WFDC13: variants seen among roughly 807,000 people sequenced by gnomAD.
WFDC13 encodes WAP four-disulfide core domain 13, also known as WAP four-disulfide core domain protein 13.
A neutral mutation model predicts 10.9 loss-of-function variants in WFDC13; 6 were observed. The observed-to-expected ratio is 0.55, with a 90% CI of 0.30 to 1.09. The LOEUF (loss-of-function observed/expected upper bound fraction) is 1.09, where lower values mean the gene tolerates loss of function less well. Among genes scored for constraint, WFDC13 ranks in the 50% least tolerant of loss-of-function variants. The pLI is 0.06. For synonymous variants in WFDC13, 38 were observed against 39.5 expected, an observed-to-expected ratio of 0.96 and a Z score of 0.14; for missense variants, 104 against 109.6, an observed-to-expected ratio of 0.95 and a Z score of 0.23.
intron 3 of WFDC13, among the ~76,000 whole-genome samples, chr20:45,706,933 GTTTAGGGTCT>G (rs1191677707): frequency 1.3e-5 from 2 of 152,200 alleles, no homozygotes; most frequent in Non-Finnish European, 2.9e-5. Flanking sequence ...AAAGTTAGAA[GTTTAGGGTCT>G]TCTAATGGGC....
intron 2 of WFDC13, among the ~76,000 whole-genome samples, chr20:45,705,537 AG>A (rs1437301508): frequency 6.6e-6 from 1 of 152,228 alleles, no homozygotes; most frequent in African/African-American, 2.4e-5. Flanking sequence ...AATAATAGTG[AG>A]GTTAAAATAG....
At chr20:45,707,728 G>A (rs1470945735) in intron 3 of WFDC13, 130 bp from the exon 4 acceptor site, 1 of 152,182 alleles carries the variant, frequency 6.6e-6, no homozygotes, top group Non-Finnish European at 1.5e-5. Flanking sequence ...ATTTCTTTAA[G>A]GAGTTCCTAA....
intron 1 of WFDC13, among the ~76,000 whole-genome samples, chr20:45,703,436 C>A (rs549821939): frequency 2.6e-5 from 4 of 152,180 alleles, no homozygotes; most frequent in African/African-American, 7.2e-5. Context: ...CCTTTCAAAT[C>A]ATCATAATAT....
chr20:45,706,763 C>A (rs1299621336), intron 3 of WFDC13, among the ~76,000 whole-genome samples: 1 of 114,414 alleles, frequency 8.7e-6, no homozygotes, highest in Non-Finnish European at 1.6e-5. Flanking sequence ...CAGAGTGAGA[C>A]TCCGTCTCAA....
Position 45,708,690 on chromosome 20 carries a change from AAAT to A in WFDC13, c.*867_*869del, listed in dbSNP as rs1218820914. 1 of 152,216 alleles carries A rather than the reference AAAT, an allele frequency of 6.6e-6. No homozygotes were observed. Among genetic ancestry groups the A allele is most frequent in the Non-Finnish European group, 1.5e-5 (1 of 68,040 alleles). 9.4% of individuals were successfully genotyped at this position (152,216 alleles called of 1,614,324 possible). A position where few individuals can be genotyped will look rare whatever the true frequency, so the allele number is the denominator to read the frequency against. On this transcript the variant is annotated 3_prime_UTR_variant, in exon 4 of 4. Transcript: ENST00000305479. ...TAAAAAGGTATTATAAAGGTATTTA[AAAT>A]AATAATAATAAAGTGTTATTTTCCT...
In WFDC13 at chr20:45,704,569, T is replaced by A; in HGVS notation, c.214T>A (p.Ser72Thr). The A allele has an allele frequency of 6.2e-7, 1 of 1,614,086 alleles. No individual in the cohort carries two copies. Among genetic ancestry groups the A allele is most frequent in the Non-Finnish European group, 8.5e-7 (1 of 1,180,014 alleles). The change falls in exon 2 of 4, where the codon TCA (serine) becomes ACA (threonine). Residue 72 changes from serine (S) to threonine (T), a missense_variant. Transcript: ENST00000305479. ...CTCCTTCTGTGGGATAGTCTGTTCA[T>A]CAGAAACATTTCAAAAGCGCAACAG... The part of the protein sequence containing the change: ...CSSFCGIVCS[S>T]ETFQKRNRIK...
rs142436120 is a variant in WFDC13 at position 45,704,588 on chromosome 20, G to C, written c.233G>C (p.Arg78Pro). Residue 78 changes from arginine to proline, a missense_variant, in exon 2 of 4, where the codon CGC (arginine) becomes CCC (proline). Coordinates refer to ENST00000305479, the MANE Select transcript of WFDC13 (RefSeq NM_172005.2). ...TGTTCATCAGAAACATTTCAAAAGC[G>C]CAACAGGTAAGAGATATCTCATATC... Reference protein sequence around the residue: ...IVCSSETFQKRNRIKHKGSEV... With the variant: ...IVCSSETFQKPNRIKHKGSEV... 1 of 1,613,756 alleles carries C rather than the reference G, an allele frequency of 6.2e-7. No individual in the cohort carries two copies. Among genetic ancestry groups the C allele is most frequent in the African/African-American group, 1.3e-5 (1 of 74,844 alleles).
At chr20:45,705,056 CAGACATT>C (rs1472628393) in intron 2 of WFDC13, 1 of 1,505,870 alleles carries the variant, frequency 6.6e-7, no homozygotes, top group Non-Finnish European at 9.2e-7. Flanking sequence ...ATTAATTGTC[CAGACATT>C]AACACTAGCC....
At chr20:45,705,184 G>A (rs1479837191) in intron 2 of WFDC13, 1 of 573,230 alleles carries the variant, frequency 1.7e-6, no homozygotes, top group Admixed American at 3.1e-5. Flanking sequence ...ATGACCTTGA[G>A]TAAGACAATT....
At chr20:45,704,963 T>C in intron 2 of WFDC13, 1 of 1,614,174 alleles carries the variant, frequency 6.2e-7, no homozygotes, top group Non-Finnish European at 8.5e-7. Context: ...TCCTACACTT[T>C]TGCTTGCCCT....
Position 45,702,055 on chromosome 20 carries a change from C to T in WFDC13, c.-69C>T, listed in dbSNP as rs73908188. On this transcript the variant is annotated 5_prime_UTR_variant, in exon 1 of 4. Transcript: ENST00000305479. ...ACTTTGCCCTCTTTCCTTCTCTTCT[C>T]CTCACAGCAGTGCCTGGTCAAACCC... 2.0e-3 allele frequency: 2,926 copies of T among 1,464,820 alleles called. 45 individuals are homozygous for T. In the African/African-American group the frequency reaches 0.036, roughly 18 times the overall value. The allele number at this position is 1,464,820 out of a possible 1,614,324, so 90.7% of individuals were successfully genotyped here.
At position 45,708,667 on chromosome 20, in the gene WFDC13, AAAAGGTATTAT is replaced by A. The variant is rs1984493220; in HGVS notation, c.*842_*852del. 1 of 152,212 alleles carries A rather than the reference AAAAGGTATTAT, an allele frequency of 6.6e-6. No individual in the cohort carries two copies. The highest frequency in any genetic ancestry group is 2.4e-5 in the African/African-American group (1 of 41,458). The allele number at this position is 152,212 out of a possible 1,614,324, so 9.4% of individuals were successfully genotyped here. On this transcript the variant is annotated 3_prime_UTR_variant, in exon 4 of 4. Transcript: ENST00000305479. ...AAAAATAATCAGCCATAAAATATTA[AAAAGGTATTAT>A]AAAGGTATTTAAAATAATAATAATA... is the stretch of plus-strand genomic sequence containing the variant.
chr20:45,702,705 T>G (rs1984215704), intron 1 of WFDC13, among the ~76,000 whole-genome samples: 1 of 152,194 alleles, frequency 6.6e-6, no homozygotes, highest in Admixed American at 6.5e-5. Context: ...TTCCACATTT[T>G]CAAACTCCAG....
At position 45,704,422 on chromosome 20, in the gene WFDC13, TCTTA is replaced by T; in HGVS notation, c.89-18_89-15del. 1.1e-5 allele frequency: 17 copies of T among 1,603,278 alleles called. No individual in the cohort carries two copies. The highest frequency in any genetic ancestry group is 1.4e-5 in the Non-Finnish European group (17 of 1,175,056). Reference sequence around the variant, plus strand: ...CTCCAGCCTGTTGGTGAGGCCCTTCTCTTACTTGTTCTGTGTTCCAGAGTATATC... The same window carrying T: ...CTCCAGCCTGTTGGTGAGGCCCTTCTCTTGTTCTGTGTTCCAGAGTATATC... On this transcript the variant is annotated intron_variant, in intron 1 of 3. Coordinates refer to ENST00000305479, the MANE Select transcript of WFDC13 (RefSeq NM_172005.2).
At chr20:45,707,052 G>A (rs1384493422) in intron 3 of WFDC13, among the ~76,000 whole-genome samples, 1 of 152,242 alleles carries the variant, frequency 6.6e-6, no homozygotes, top group African/African-American at 2.4e-5. Flanking sequence ...AGTAGCAGGT[G>A]GAGGCCAGTG....
chr20:45,706,271 T>C (rs1470656401), intron 3 of WFDC13, among the ~76,000 whole-genome samples: 1 of 152,190 alleles, frequency 6.6e-6, no homozygotes, highest in Non-Finnish European at 1.5e-5. Flanking sequence ...GCTGAGCCCT[T>C]CACGCTCTGA....
Position 45,705,852 on chromosome 20 carries a change from T to G in WFDC13, c.240-11T>G, listed in dbSNP as rs1984368583. The G allele has an allele frequency of 1.2e-6, 2 of 1,612,480 alleles. No homozygotes were observed. Among genetic ancestry groups the G allele is most frequent in the South Asian group, 2.2e-5 (2 of 90,740 alleles). ...CACTAGTTAATATTTGAAAATATTTTTCTTCTACAGAATCAAACACAAGGG... is the reference window on the plus strand; with the variant it reads ...CACTAGTTAATATTTGAAAATATTTGTCTTCTACAGAATCAAACACAAGGG... On this transcript the variant is annotated splice_polypyrimidine_tract_variant and intron_variant, in intron 2 of 3. Transcript: ENST00000305479.
intron 2 of WFDC13, 56 bp from the exon 3 acceptor site, chr20:45,705,807 T>C: frequency 2.0e-6 from 3 of 1,522,046 alleles, no homozygotes; most frequent in Non-Finnish European, 2.7e-6. Context: ...GAAAAATATA[T>C]ATCTCTAAAA....
At chr20:45,706,113 T>A (rs1984382167) in intron 3 of WFDC13, among the ~76,000 whole-genome samples, 186 bp downstream of exon 3, 1 of 152,138 alleles carries the variant, frequency 6.6e-6, no homozygotes, top group South Asian at 2.1e-4. Context: ...GGAGGCACGG[T>A]GCAGTCCAGC....
Sources: allele counts gnomAD v4.1 joint callset (sites outside exome capture counted in the v4.1 genomes callset), GRCh38; gene constraint gnomAD v4.1.1; transcripts MANE v1.5; gene names NCBI Gene and HGNC (gene_info 2026-07-23, HGNC 2026-07-21).